Variants in SMCR8 observed in about 807,000 individuals in gnomAD.
The protein encoded by SMCR8 is SMCR8-C9orf72 complex subunit, also known as guanine nucleotide exchange protein SMCR8.
Under a neutral mutation model 56.6 loss-of-function variants are expected in SMCR8, and 30 were observed. The observed-to-expected ratio is 0.53, with a 90% confidence interval of 0.40 to 0.72. SMCR8 has a LOEUF of 0.72. Among genes scored for constraint, SMCR8 ranks in the 30% least tolerant of loss-of-function variants. SMCR8 has a pLI of 0.00. For synonymous variants in SMCR8, 538 were observed against 456.0 expected (o/e 1.18, Z -2.29); for missense variants, 1,198 against 1,157.0 (o/e 1.04, Z -0.51).
At position 18,317,630 on chromosome 17, in the gene SMCR8, G is replaced by C; in HGVS notation, c.1841G>C (p.Ser614Thr). Residue 614 changes from serine to threonine, a missense_variant, in exon 1 of 2, where the codon AGC becomes ACC. Ser to Thr is a moderately conservative substitution (Grantham distance 58, BLOSUM62 1). Transcript: ENST00000406438. ...THSDEDGVVS[S>T]PPQRHRQKDQ... is the part of the protein sequence containing the mutation. ...TCTGACGAGGATGGGGTGGTGAGCA[G>C]CCCCCCACAGCGCCACAGGCAGAAG... The C allele has an allele frequency of 1.2e-6, 2 of 1,614,126 alleles. No individual in the cohort carries two copies. Among genetic ancestry groups the C allele is most frequent in the Non-Finnish European group, 1.7e-6 (2 of 1,180,032 alleles).
Position 18,317,814 on chromosome 17 carries a change from CAGCTACGTG to C in SMCR8, c.2029_2037del (p.Tyr677_Ser679del). 6.2e-7 allele frequency: 1 copy of C among 1,614,160 alleles called. No homozygotes were observed. Among genetic ancestry groups the C allele is most frequent in the Non-Finnish European group, 8.5e-7 (1 of 1,180,006 alleles). On this transcript the variant is annotated inframe_deletion, in exon 1 of 2. Coordinates refer to ENST00000406438, the MANE Select transcript of SMCR8 (RefSeq NM_144775.3). ...GCCTGGACAACTACTCAGACACCAC[CAGCTACGTG>C]AGCAGTGTAGCGTCCACCAGCTCAG...
chr17:18,315,780 A>G lies in SMCR8; in HGVS notation c.-10A>G. ...CTTCCTCTCAATGTTTTCTTCATAT[A>G]TCTGGAAATATGATCAGCGCCCCTG... On this transcript the variant is annotated 5_prime_UTR_variant, in exon 1 of 2. The change creates a new upstream start codon in the 5' untranslated region. Coordinates refer to ENST00000406438, the MANE Select transcript of SMCR8 (RefSeq NM_144775.3). The G allele has an allele frequency of 1.3e-6, 2 of 1,569,470 alleles. No homozygotes were observed. The highest frequency in any genetic ancestry group is 1.7e-6 in the Non-Finnish European group (2 of 1,155,890).
Position 18,327,354 on chromosome 17 carries a change from G to A in SMCR8, c.*4284G>A, listed in dbSNP as rs1174277774. On this transcript the variant is annotated 3_prime_UTR_variant, in exon 2 of 2. Coordinates refer to ENST00000406438, the MANE Select transcript of SMCR8 (RefSeq NM_144775.3). ...AGTGCTTATTCAGCCCAAGAGTGGA[G>A]GCTGTTTACAGCGAGCCCTGGAGAT... 6.6e-6 allele frequency: 1 copy of A among 152,314 alleles called. No individual in the cohort carries two copies. 9.4% of individuals were successfully genotyped at this position (152,314 alleles called of 1,614,324 possible).
Position 18,323,621 on chromosome 17 carries a change from G to C in SMCR8, c.*551G>C. 1 of 156,246 alleles carries C rather than the reference G, an allele frequency of 6.4e-6. No individual in the cohort carries two copies. The highest frequency in any genetic ancestry group is 1.9e-4 in the South Asian group (1 of 5,142). 9.7% of individuals were successfully genotyped at this position (156,246 alleles called of 1,614,324 possible). ...GGAGGCCCTGGACCAGCCAGTGGGG[G>C]TGAGAAAGGCTGCCACCCTCTGGGT... On this transcript the variant is annotated 3_prime_UTR_variant, in exon 2 of 2. Transcript: ENST00000406438.
At chr17:18,322,576 G>C (rs754783394) in intron 1 of SMCR8, 41 bp from the exon 2 acceptor site, 2 of 1,585,336 alleles carry the variant, frequency 1.3e-6, no homozygotes, top group Non-Finnish European at 1.7e-6. Flanking sequence ...CCACTTTCCC[G>C]GCCCTTGCCC....
chr17:18,317,326 A>G lies in SMCR8; in HGVS notation c.1537A>G (p.Ser513Gly), dbSNP rs1211980493. The change falls in exon 1 of 2, where the codon AGC (serine) becomes GGC (glycine). Residue 513 changes from serine (S) to glycine (G), a missense_variant. Coordinates refer to ENST00000406438, the MANE Select transcript of SMCR8 (RefSeq NM_144775.3). The stretch of plus-strand genomic sequence containing the variant: ...CAAAGCAGTCAGCCACAGGACCATC[A>G]GCGAGGACAGTATTGAAGTCCTCAG... ...RSKAVSHRTISEDSIEVLSTC... is the reference protein window; with the variant it reads ...RSKAVSHRTIGEDSIEVLSTC... 2.5e-6 allele frequency: 4 copies of G among 1,614,148 alleles called. No homozygotes were observed. In the East Asian group the frequency reaches 8.9e-5, roughly 36 times the overall value.
In SMCR8 at chr17:18,322,838, A is replaced by G. The variant is rs766526116; in HGVS notation, c.2582A>G (p.Tyr861Cys). 4 of 1,613,930 alleles carry G rather than the reference A, an allele frequency of 2.5e-6. No homozygotes were observed. Among genetic ancestry groups the G allele is most frequent in the East Asian group, 4.5e-5 (2 of 44,882 alleles). ...CAGCTCTGCTCCAAGGCCTTCCTCT[A>G]CACCTTCTGCCACCACCTGCACCTG... ...LTQLCSKAFL[Y>C]TFCHHLHLPT... Residue 861 changes from tyrosine (Y) to cysteine (C), a missense_variant, in exon 2 of 2, where the codon TAC becomes TGC. Transcript: ENST00000406438.
intron 1 of SMCR8, among the ~76,000 whole-genome samples, chr17:18,318,822 T>C (rs1982412627): frequency 6.6e-6 from 1 of 152,076 alleles, no homozygotes; most frequent in Non-Finnish European, 1.5e-5. Context: ...GCAGGGAGCA[T>C]CTCTCTATAA....
At chr17:18,320,361 A>G (rs1360920967) in intron 1 of SMCR8, among the ~76,000 whole-genome samples, 1 of 152,188 alleles carries the variant, frequency 6.6e-6, no homozygotes, top group Non-Finnish European at 1.5e-5. Flanking sequence ...ACAGAAGTGG[A>G]GGAACAGTTA....
chr17:18,321,808 C>A (rs1014175855), intron 1 of SMCR8, among the ~76,000 whole-genome samples: 9 of 152,078 alleles, frequency 5.9e-5, no homozygotes, highest in South Asian at 2.1e-4. Context: ...CTCCAGCCTG[C>A]GCAACAGAGC....
At position 18,316,377 on chromosome 17, in the gene SMCR8, A is replaced by G; in HGVS notation, c.588A>G (p.Glu196=). 1 of 1,614,170 alleles carries G rather than the reference A, an allele frequency of 6.2e-7. No individual in the cohort carries two copies. Among genetic ancestry groups the G allele is most frequent in the Non-Finnish European group, 8.5e-7 (1 of 1,180,036 alleles). ...GNRKAFAGEL[E]KKLKDLDYTR... Reference sequence around the variant, plus strand: ...GGAAGGCATTTGCTGGGGAACTTGAAAAAAAGCTGAAAGACTTGGATTACA... The same window carrying G: ...GGAAGGCATTTGCTGGGGAACTTGAGAAAAAGCTGAAAGACTTGGATTACA... The change falls in exon 1 of 2, where the codon GAA becomes GAG. Residue 196 remains glutamate, a synonymous_variant. Coordinates refer to ENST00000406438, the MANE Select transcript of SMCR8 (RefSeq NM_144775.3).
intron 1 of SMCR8, among the ~76,000 whole-genome samples, 181 bp from the exon 2 acceptor site, chr17:18,322,436 G>C (rs1289403806): frequency 6.6e-6 from 1 of 152,212 alleles, no homozygotes; most frequent in Non-Finnish European, 1.5e-5. Context: ...TTTGACCTTG[G>C]TCATAAGAGT....
intron 1 of SMCR8, among the ~76,000 whole-genome samples, chr17:18,319,976 G>T (rs1462714708): frequency 6.6e-6 from 1 of 152,208 alleles, no homozygotes; most frequent in South Asian, 2.1e-4. Context: ...CGAAGTACTG[G>T]GATTATAGGC....
chr17:18,319,831 G>A (rs528076627), intron 1 of SMCR8, among the ~76,000 whole-genome samples: 1 of 152,144 alleles, frequency 6.6e-6, no homozygotes, highest in Non-Finnish European at 1.5e-5. Flanking sequence ...GGTTATTCTC[G>A]TGCCTCAGCC....
Position 18,325,227 on chromosome 17 carries a change from T to C in SMCR8, c.*2157T>C, listed in dbSNP as rs1169708599. The C allele has an allele frequency of 6.6e-6, 1 of 152,250 alleles. No individual in the cohort carries two copies. The highest frequency in any genetic ancestry group is 1.5e-5 in the Non-Finnish European group (1 of 68,072). The allele number at this position is 152,250 out of a possible 1,614,324, so 9.4% of individuals were successfully genotyped here. A position where few individuals can be genotyped will look rare whatever the true frequency, so the allele number is the denominator to read the frequency against. ...CTCACCTGGGAAACTTGGGAAGGGC[T>C]GATGAGTTTGGGGCAGATCCTGAAT... On this transcript the variant is annotated 3_prime_UTR_variant, in exon 2 of 2. Transcript: ENST00000406438.
Position 18,327,788 on chromosome 17 carries a change from G to A in SMCR8, c.*4718G>A, listed in dbSNP as rs1014055248. 1.3e-5 allele frequency: 2 copies of A among 152,602 alleles called. No homozygotes were observed. The highest frequency in any genetic ancestry group is 4.8e-5 in the African/African-American group (2 of 41,456). 9.5% of individuals were successfully genotyped at this position (152,602 alleles called of 1,614,324 possible). On this transcript the variant is annotated 3_prime_UTR_variant, in exon 2 of 2. Transcript: ENST00000406438. ...TTGCAGCGGCTGGTGCAGGAGTGCA[G>A]CTGGCGCGTGTGTGATAGCATCTCG...
In SMCR8 at chr17:18,315,678, A is replaced by G. The variant is rs973918757; in HGVS notation, c.-112A>G. ...AGGACCCCGGGTTCGGGGAGTCGCAAAGAAGGCCGTAAGGGCTTCACTTCC... is the reference window on the plus strand; with the variant it reads ...AGGACCCCGGGTTCGGGGAGTCGCAGAGAAGGCCGTAAGGGCTTCACTTCC... On this transcript the variant is annotated 5_prime_UTR_variant, in exon 1 of 2. Coordinates refer to ENST00000406438, the MANE Select transcript of SMCR8 (RefSeq NM_144775.3). 2.8e-6 allele frequency: 3 copies of G among 1,073,644 alleles called. No homozygotes were observed. Among genetic ancestry groups the G allele is most frequent in the Non-Finnish European group, 4.0e-6 (3 of 745,508 alleles). 66.5% of individuals were successfully genotyped at this position (1,073,644 alleles called of 1,614,324 possible). A position where few individuals can be genotyped will look rare whatever the true frequency, so the allele number is the denominator to read the frequency against.
Position 18,324,735 on chromosome 17 carries a change from T to C in SMCR8, c.*1665T>C, listed in dbSNP as rs1361021361. The C allele has an allele frequency of 6.6e-6, 1 of 152,410 alleles. No individual in the cohort carries two copies. Among genetic ancestry groups the C allele is most frequent in the South Asian group, 2.1e-4 (1 of 4,836 alleles). The allele number at this position is 152,410 out of a possible 1,614,324, so 9.4% of individuals were successfully genotyped here. A position where few individuals can be genotyped will look rare whatever the true frequency, so the allele number is the denominator to read the frequency against. ...GTCCTCGTTTTAAGGGCATGGCCCG[T>C]TGGCTCCAGCCGTTGGCTTCTGTTC... is the stretch of plus-strand genomic sequence containing the variant. On this transcript the variant is annotated 3_prime_UTR_variant, in exon 2 of 2. Transcript: ENST00000406438.
rs370642668 is a variant in SMCR8 at position 18,316,454 on chromosome 17, A to G, written c.665A>G (p.Lys222Arg). 5 of 1,614,166 alleles carry G rather than the reference A, an allele frequency of 3.1e-6. No individual in the cohort carries two copies. Among genetic ancestry groups the G allele is most frequent in the African/African-American group, 2.7e-5 (2 of 75,048 alleles). Residue 222 changes from lysine (K) to arginine (R), a missense_variant, in exon 1 of 2, where the codon AAA becomes AGA. Transcript: ENST00000406438. ...ETEIQKKAND[K>R]GFYSSQAIEK... is the part of the protein sequence containing the mutation. The stretch of plus-strand genomic sequence containing the variant: ...GAGATCCAGAAGAAAGCCAACGACA[A>G]AGGCTTTTACTCATCTCAGGCAATT...
Sources: allele counts gnomAD v4.1 joint callset (sites outside exome capture counted in the v4.1 genomes callset), GRCh38; gene constraint gnomAD v4.1.1; transcripts MANE v1.5; gene names NCBI Gene and HGNC (gene_info 2026-07-23, HGNC 2026-07-21).